MYOF: variants seen among roughly 807,000 people sequenced by gnomAD.
The protein encoded by MYOF is myoferlin, also known as fer-1-like 3, myoferlin.
Under a neutral mutation model 284.2 loss-of-function variants are expected in MYOF, and 244 were observed. The ratio of observed to expected loss-of-function variants is 0.86; its 90% CI spans 0.77 to 0.95. The LOEUF (loss-of-function observed/expected upper bound fraction) is 0.95, where lower values mean the gene tolerates loss of function less well. MYOF is among the 40% of genes least tolerant of loss of function. The pLI is 0.00. For missense variants in MYOF, 2,496 were observed against 2,560.6 expected, an observed-to-expected ratio of 0.97 and a Z score of 0.54; for synonymous variants, 904 against 919.7, an observed-to-expected ratio of 0.98 and a Z score of 0.31.
intron 48 of MYOF, among the ~76,000 whole-genome samples, chr10:93,322,239 TGTCGC>T (rs1842872356): frequency 6.6e-6 from 1 of 152,242 alleles, no homozygotes; most frequent in Non-Finnish European, 1.5e-5. Context: ...ATATATTAAA[TGTCGC>T]AAGTCTTATC....
intron 1 of MYOF, among the ~76,000 whole-genome samples, chr10:93,473,315 C>T (rs1221487674): frequency 6.6e-6 from 1 of 152,222 alleles, no homozygotes; most frequent in Admixed American, 6.5e-5. Context: ...TTTGTCTTGG[C>T]CTTCCATGCC....
chr10:93,336,865 AAAGAAAGGAAGGAAAGAG>A (rs142899586), intron 40 of MYOF, among the ~76,000 whole-genome samples: 34,661 of 143,604 alleles, frequency 0.24, 5,871 homozygotes, highest in East Asian at 0.88. Flanking sequence ...AGGAAGAAGG[AAAGAAAGGAAGGAAAGAG>A]AAGAAAGGAA....
intron 37 of MYOF, among the ~76,000 whole-genome samples, chr10:93,345,919 A>C (rs1844165527): frequency 6.6e-6 from 1 of 152,194 alleles, no homozygotes; most frequent in Admixed American, 6.5e-5. Flanking sequence ...CAATAGACAC[A>C]AACAGGTCCA....
intron 52 of MYOF, 36 bp from the exon 53 acceptor site, chr10:93,310,203 C>T: frequency 6.2e-7 from 1 of 1,605,806 alleles, no homozygotes; most frequent in South Asian, 1.1e-5. Flanking sequence ...CTACCCAACT[C>T]AGGAGGGATG....
intron 40 of MYOF, chr10:93,337,432 T>A (rs1924175): frequency 0.33 from 58,259 of 174,050 alleles, 11,291 homozygotes; most frequent in East Asian, 0.89. Flanking sequence ...GTGAAACCAA[T>A]CCCTGTTCAA....
chr10:93,418,868 T>C (rs1848243894), intron 5 of MYOF, among the ~76,000 whole-genome samples: 1 of 152,140 alleles, frequency 6.6e-6, no homozygotes, highest in African/African-American at 2.4e-5. Flanking sequence ...TAGAGAAAAA[T>C]TGGACTAATA....
chr10:93,446,598 G>C (rs1003090235), intron 3 of MYOF, among the ~76,000 whole-genome samples: 1 of 152,090 alleles, frequency 6.6e-6, no homozygotes, highest in Admixed American at 6.6e-5. Context: ...AAATGTCAGG[G>C]GGATGGAAGA....
intron 32 of MYOF, among the ~76,000 whole-genome samples, chr10:93,353,587 A>G (rs1844632100): frequency 6.6e-6 from 1 of 152,228 alleles, no homozygotes; most frequent in Admixed American, 6.5e-5. Flanking sequence ...ATCTATTAGT[A>G]CCAAAAGTAT....
intron 16 of MYOF, among the ~76,000 whole-genome samples, chr10:93,394,448 CTTTTTTTTTTTTT>C (rs33970988): frequency 4.1e-3 from 117 of 28,694 alleles, no homozygotes; most frequent in Non-Finnish European, 6.7e-3. Flanking sequence ...ACCATCTTGT[CTTTTTTTTTTTTT>C]TTTTTTTTTT....
At chr10:93,408,409 T>C (rs1376596468) in intron 7 of MYOF, among the ~76,000 whole-genome samples, 1 of 151,970 alleles carries the variant, frequency 6.6e-6, no homozygotes, top group African/African-American at 2.4e-5. Context: ...TGGTGGTGCA[T>C]GCCTGTAATC....
Position 93,372,880 on chromosome 10 carries a change from T to G in MYOF, c.2457+50A>C, listed in dbSNP as rs186510914. 22 of 1,603,514 alleles carry G rather than the reference T, an allele frequency of 1.4e-5. No homozygotes were observed. In the Admixed American group the frequency reaches 3.3e-4, roughly 24 times the overall value. The stretch of plus-strand genomic sequence containing the variant: ...ATATAAAGCAGACCCTTCTCAGGAA[T>G]ACAGCTTTTGCATTTAGTGTGTTTC... On this transcript the variant is annotated intron_variant, in intron 24 of 53. Transcript: ENST00000359263.
chr10:93,371,689 A>C (rs1479185502), intron 24 of MYOF, among the ~76,000 whole-genome samples: 1 of 152,142 alleles, frequency 6.6e-6, no homozygotes, highest in Admixed American at 6.6e-5. Flanking sequence ...GTAAATATTC[A>C]TAGGTATAAC....
intron 1 of MYOF, among the ~76,000 whole-genome samples, chr10:93,460,767 C>CAAAAAAAAA: frequency 4.0e-5 from 1 of 25,302 alleles, no homozygotes; most frequent in African/African-American, 1.1e-4. Flanking sequence ...ACCCCATCTC[C>CAAAAAAAAA]AAAAAAAAAA....
rs138054228 is a variant in MYOF, at chr10:93,327,461, C to G, written c.5131+1302G>C. 2.0e-5 allele frequency among the ~76,000 whole-genome samples: 3 copies of G among 152,206 alleles called. No homozygotes were observed. In the East Asian group the frequency reaches 5.8e-4, roughly 29 times the overall value. ...GGCCAGCCTCGGCCAGAACTGTTCA[C>G]CTGAGCCCGTCCTGAATTCCTGACC... On this transcript the variant is annotated intron_variant, in intron 45 of 53. Coordinates refer to ENST00000359263, the MANE Select transcript of MYOF (RefSeq NM_013451.4).
intron 40 of MYOF, chr10:93,337,503 G>A (rs559322597): frequency 4.7e-5 from 14 of 295,832 alleles, no homozygotes; most frequent in Non-Finnish European, 8.8e-5. Context: ...ATGACTTCTG[G>A]GTTTCCCTGA....
At chr10:93,347,368 A>C (rs1035061946) in intron 37 of MYOF, among the ~76,000 whole-genome samples, 4 of 150,756 alleles carry the variant, frequency 2.7e-5, no homozygotes, top group African/African-American at 4.9e-5. Context: ...CTGGCTAACA[A>C]GGTGAAACCC....
At position 93,469,266 on chromosome 10, in the gene MYOF, T is replaced by C. The variant is rs532151440; in HGVS notation, c.89-12329A>G. Among the ~76,000 whole-genome samples, 5 of 152,196 alleles carry C rather than the reference T, an allele frequency of 3.3e-5. No individual in the cohort carries two copies. In the South Asian group the frequency reaches 1.0e-3, roughly 32 times the overall value. On this transcript the variant is annotated intron_variant, in intron 1 of 53. Transcript: ENST00000359263. Reference sequence around the variant, plus strand: ...AACACAAAAAATTAGCCGGGCATGGTGGTGCACTCCTGTAGTCCCAGCTAC... The same window carrying C: ...AACACAAAAAATTAGCCGGGCATGGCGGTGCACTCCTGTAGTCCCAGCTAC...
chr10:93,394,491 T>C (rs186307237), intron 16 of MYOF, among the ~76,000 whole-genome samples: 9,950 of 130,344 alleles, frequency 0.076, 1,421 homozygotes, highest in African/African-American at 0.28. Flanking sequence ...GACAGAGTCT[T>C]GCTCTGTCGC....
intron 48 of MYOF, among the ~76,000 whole-genome samples, chr10:93,322,260 T>C (rs531593850): frequency 1.3e-5 from 2 of 152,234 alleles, no homozygotes; most frequent in Middle Eastern, 3.2e-3. Context: ...TTATCTTTCA[T>C]GTATCAAGGA....
Sources: allele counts gnomAD v4.1 joint callset (sites outside exome capture counted in the v4.1 genomes callset), GRCh38; gene constraint gnomAD v4.1.1; transcripts MANE v1.5; gene names NCBI Gene and HGNC (gene_info 2026-07-23, HGNC 2026-07-21).